The following COL12A1 variants were observed in gnomAD, a reference collection of about 807,000 sequenced individuals.
The protein encoded by COL12A1 is collagen type XII alpha 1 chain, also known as collagen alpha-1(XII) chain.
Under a neutral mutation model 349.7 loss-of-function variants are expected in COL12A1, and 114 were observed. The ratio of observed to expected loss-of-function variants is 0.33; its 90% CI spans 0.28 to 0.38. COL12A1 has a LOEUF of 0.38. Among genes scored for constraint, COL12A1 ranks in the 10% least tolerant of loss-of-function variants. The pLI is 1.00. For missense variants in COL12A1, 3,284 were observed against 3,756.9 expected (o/e 0.87, Z 3.29); for synonymous variants, 1,369 against 1,329.0 (o/e 1.03, Z -0.66).
chr6:75,174,252 A>C (rs929424166), intron 13 of COL12A1, among the ~76,000 whole-genome samples: 5 of 152,206 alleles, frequency 3.3e-5, no homozygotes, highest in African/African-American at 1.2e-4. Context: ...ATCACTTAGA[A>C]AACAAATAGA....
At chr6:75,177,976 G>A (rs1160164186) in intron 11 of COL12A1, 41 bp from the exon 12 acceptor site, 2 of 1,534,630 alleles carry the variant, frequency 1.3e-6, no homozygotes, top group Non-Finnish European at 1.7e-6. Flanking sequence ...ACCATAAATT[G>A]ACTGACTTTA....
rs1367391270 is a variant in COL12A1 at position 75,109,011 on chromosome 6, T to A, written c.8100+7A>T. The A allele has an allele frequency of 6.2e-7, 1 of 1,608,246 alleles. No individual in the cohort carries two copies. Among genetic ancestry groups the A allele is most frequent in the South Asian group, 1.1e-5 (1 of 89,510 alleles). ...GGTACCAAGAGAAATAAAAATGTGT[T>A]ACTCACTGCGGCTGATTTCCTTTCC... is the stretch of plus-strand genomic sequence containing the variant. On this transcript the variant is annotated splice_region_variant and intron_variant, in intron 52 of 65. Transcript: ENST00000322507.
chr6:75,120,450 G>T (rs1769300249), intron 44 of COL12A1, among the ~76,000 whole-genome samples: 1 of 152,074 alleles, frequency 6.6e-6, no homozygotes, highest in African/African-American at 2.4e-5. Context: ...ATTCACCAAA[G>T]AAATGGGAAA....
rs376238729 is a variant in COL12A1 at position 75,091,332 on chromosome 6, A to G, written c.8743T>C (p.Leu2915=). Residue 2915 remains leucine (L), a synonymous_variant, in exon 62 of 66, where the codon TTG becomes CTG. Transcript: ENST00000322507. ...AGAAAAGAAATTTTACCACTTATCA[A>G]TTGTTCACAGACTTGTCTTGCAACT... ...RAVARQVCEQ[L]ISGQMNRFNQ... is the part of the protein sequence containing the mutation. 1.4e-5 allele frequency: 22 copies of G among 1,613,004 alleles called. No individual in the cohort carries two copies. The highest frequency in any genetic ancestry group is 4.5e-5 in the East Asian group (2 of 44,822).
intron 2 of COL12A1, among the ~76,000 whole-genome samples, chr6:75,198,631 C>T (rs1770357885): frequency 6.6e-6 from 1 of 151,912 alleles, no homozygotes; most frequent in Non-Finnish European, 1.5e-5. Flanking sequence ...TGATATATAA[C>T]TTTTTGAAAC....
chr6:75,185,654 A>G (rs1035385085), intron 8 of COL12A1, among the ~76,000 whole-genome samples: 1 of 152,228 alleles, frequency 6.6e-6, no homozygotes, highest in Non-Finnish European at 1.5e-5. Flanking sequence ...GAATCCGAAT[A>G]TCCAAGGCAA....
In COL12A1 at chr6:75,165,661, A is replaced by G. The variant is rs201885704; in HGVS notation, c.2829T>C (p.Tyr943=). 6.2e-7 allele frequency: 1 copy of G among 1,614,060 alleles called. No individual in the cohort carries two copies. The highest frequency in any genetic ancestry group is 8.5e-7 in the Non-Finnish European group (1 of 1,179,932). ...RGYRVSWKSL[Y]DDVDTGEKNL... ...TTTTCTCTCCAGTGTCAACATCATC[A>G]TAAAGTGATTTCCATGAGACCCTGT... Residue 943 remains tyrosine, a synonymous_variant, in exon 14 of 66, where the codon TAT becomes TAC. Transcript: ENST00000322507.
chr6:75,181,451 T>G (rs560397487), intron 10 of COL12A1, among the ~76,000 whole-genome samples: 1 of 152,288 alleles, frequency 6.6e-6, no homozygotes, highest in African/African-American at 2.4e-5. Context: ...CTTCTATTAT[T>G]TAAATGACTG....
chr6:75,190,972 T>C (rs755484110), intron 5 of COL12A1, among the ~76,000 whole-genome samples: 19 of 151,944 alleles, frequency 1.3e-4, no homozygotes, highest in Non-Finnish European at 2.1e-4. Context: ...GTTTATAATC[T>C]TTTTATTGTC....
At chr6:75,113,176 TAA>T (rs1449243207) in intron 51 of COL12A1, 26 bp downstream of exon 51, 25 of 1,222,530 alleles carry the variant, frequency 2.0e-5, no homozygotes, top group African/African-American at 3.1e-5. Flanking sequence ...TTTCTAGAAA[TAA>T]GACTCAAATA....
intron 56 of COL12A1, 54 bp downstream of exon 56, chr6:75,102,533 AAGATTCATTT>A (rs1768352247): frequency 2.3e-6 from 3 of 1,288,316 alleles, no homozygotes; most frequent in Non-Finnish European, 3.1e-6. Flanking sequence ...AAATGTAGAA[AAGATTCATTT>A]AACTAAATGT....
chr6:75,106,297 G>T, intron 53 of COL12A1, 122 bp downstream of exon 53: 1 of 790,306 alleles, frequency 1.3e-6, no homozygotes, highest in Non-Finnish European at 2.1e-6. Flanking sequence ...CCCACACATT[G>T]CGTGTCTTTT....
intron 46 of COL12A1, 142 bp from the exon 47 acceptor site, chr6:75,117,688 C>A: frequency 1.4e-6 from 1 of 721,144 alleles, no homozygotes; most frequent in Non-Finnish European, 2.1e-6. Flanking sequence ...CGTGAACTCT[C>A]TTTAATAAAT....
intron 56 of COL12A1, 68 bp from the exon 57 acceptor site, chr6:75,102,120 A>C: frequency 6.9e-7 from 1 of 1,451,336 alleles, no homozygotes; most frequent in Non-Finnish European, 9.6e-7. Flanking sequence ...GGAAGACATG[A>C]GTCACTTATG....
chr6:75,192,700 C>G (rs1254703047), intron 3 of COL12A1, among the ~76,000 whole-genome samples: 1 of 151,924 alleles, frequency 6.6e-6, no homozygotes, highest in African/African-American at 2.4e-5. Context: ...AGAGATAAAG[C>G]AGAGAAAATG....
Position 75,183,855 on chromosome 6 carries a change from C to A in COL12A1, c.1287G>T (p.Val429=). The change falls in exon 9 of 66, where the codon GTG becomes GTT. Residue 429 remains valine, a splice_region_variant and synonymous_variant. Transcript: ENST00000322507. ...MEKTQPMKVQ[V]ECSRGVDIKA... is the part of the protein sequence containing the mutation. ...ACAATGATGCACACATTGACTTACCCACTTGAACTTTCATTGGCTGAGTCT... is the reference window on the plus strand; with the variant it reads ...ACAATGATGCACACATTGACTTACCAACTTGAACTTTCATTGGCTGAGTCT... 6.2e-7 allele frequency: 1 copy of A among 1,613,906 alleles called. No individual in the cohort carries two copies. The highest frequency in any genetic ancestry group is 8.5e-7 in the Non-Finnish European group (1 of 1,179,824).
intron 3 of COL12A1, among the ~76,000 whole-genome samples, chr6:75,194,018 A>T (rs1770092190): frequency 6.6e-6 from 1 of 152,124 alleles, no homozygotes; most frequent in Non-Finnish European, 1.5e-5. Flanking sequence ...GCTATTGTGA[A>T]TAAGTGCCAC....
At chr6:75,099,949 G>A (rs1349869226) in intron 58 of COL12A1, among the ~76,000 whole-genome samples, 1 of 151,958 alleles carries the variant, frequency 6.6e-6, no homozygotes, top group Non-Finnish European at 1.5e-5. Context: ...GTTTTGTTTT[G>A]TTTCAGCTGA....
At chr6:75,132,159 C>G in intron 34 of COL12A1, 77 bp from the exon 35 acceptor site, 1 of 1,513,870 alleles carries the variant, frequency 6.6e-7, no homozygotes, top group South Asian at 1.2e-5. Flanking sequence ...TTTCCAGAAC[C>G]TACATTCTGT....
Sources: gnomAD v4.1 joint callset for allele counts (sites outside exome capture counted in the v4.1 genomes callset) on GRCh38, gnomAD v4.1.1 for gene constraint, MANE v1.5 for transcripts, NCBI Gene and HGNC (gene_info 2026-07-23, HGNC 2026-07-21) for gene names.